Variants in PTCSC3 observed in about 807,000 individuals in gnomAD.
The protein encoded by PTCSC3 is papillary thyroid carcinoma susceptibility candidate 3 (non-protein coding).
intron 3 of PTCSC3, among the ~76,000 whole-genome samples, chr14:36,143,629 G>A (rs1391126860): frequency 3.4e-5 from 5 of 148,284 alleles, no homozygotes; most frequent in African/African-American, 4.9e-5. Flanking sequence ...TCTGATGGTA[G>A]TTTCTTTTGC....
At chr14:36,173,774 C>G (rs1014780678) in intron 1 of PTCSC3, among the ~76,000 whole-genome samples, 2 of 152,050 alleles carry the variant, frequency 1.3e-5, no homozygotes, top group African/African-American at 4.8e-5. Context: ...TGCAGGCAGG[C>G]TGGAAACGAA....
chr14:36,154,787 T>C (rs879405620), intron 2 of PTCSC3, among the ~76,000 whole-genome samples: 3 of 152,182 alleles, frequency 2.0e-5, no homozygotes, highest in Non-Finnish European at 4.4e-5. Context: ...CATGTTAGGA[T>C]TGGGTTCCCT....
chr14:36,170,748 T>G (rs898473707), intron 1 of PTCSC3, among the ~76,000 whole-genome samples: 2 of 152,118 alleles, frequency 1.3e-5, no homozygotes, highest in Non-Finnish European at 2.9e-5. Context: ...CAATGTCTAG[T>G]GTGGTCTAGG....
chr14:36,170,647 C>T (rs1882174383), intron 1 of PTCSC3, among the ~76,000 whole-genome samples: 1 of 152,120 alleles, frequency 6.6e-6, no homozygotes, highest in Non-Finnish European at 1.5e-5. Flanking sequence ...AATCAGCAAC[C>T]TGTACCATAC....
exon 4 of PTCSC3, chr14:36,136,287 C>T (rs1303101591): frequency 2.0e-5 from 3 of 152,664 alleles, no homozygotes; most frequent in Non-Finnish European, 4.4e-5. Context: ...TACTTTGCAT[C>T]CTTCAATCCA....
chr14:36,165,512 G>A (rs1042963391), intron 1 of PTCSC3, among the ~76,000 whole-genome samples: 2 of 151,646 alleles, frequency 1.3e-5, no homozygotes, highest in Admixed American at 6.6e-5. Flanking sequence ...CAGATTGAGA[G>A]TTAAAAATAA....
intron 1 of PTCSC3, among the ~76,000 whole-genome samples, chr14:36,173,249 G>A (rs1882220358): frequency 1.3e-5 from 2 of 151,996 alleles, no homozygotes; most frequent in African/African-American, 2.4e-5. Flanking sequence ...ACTATTTAAA[G>A]TATATAGAAG....
intron 3 of PTCSC3, among the ~76,000 whole-genome samples, chr14:36,147,570 T>G (rs1475441898): frequency 1.3e-5 from 2 of 151,966 alleles, no homozygotes; most frequent in Non-Finnish European, 2.9e-5. Flanking sequence ...CTTCTAAATT[T>G]TTTTCAAAAT....
intron 1 of PTCSC3, among the ~76,000 whole-genome samples, chr14:36,175,717 C>A (rs1882270595): frequency 6.6e-6 from 1 of 152,294 alleles, no homozygotes; most frequent in African/African-American, 2.4e-5. Context: ...GATCTTGGGC[C>A]TACAGCTATA....
intron 3 of PTCSC3, among the ~76,000 whole-genome samples, chr14:36,137,454 T>C (rs540998234): frequency 3.3e-5 from 5 of 152,270 alleles, no homozygotes; most frequent in African/African-American, 1.2e-4. Flanking sequence ...TGGGTATAAT[T>C]AACAGATTAT....
chr14:36,148,394 G>C (rs1881640773), intron 3 of PTCSC3, among the ~76,000 whole-genome samples: 1 of 152,212 alleles, frequency 6.6e-6, no homozygotes. Flanking sequence ...TGTCGGAAAA[G>C]CGCAGTATTC....
At chr14:36,154,823 G>A (rs1258134544) in intron 2 of PTCSC3, among the ~76,000 whole-genome samples, 1 of 152,170 alleles carries the variant, frequency 6.6e-6, no homozygotes, top group Non-Finnish European at 1.5e-5. Context: ...AGAGATGTCT[G>A]TAAATAATTT....
At chr14:36,156,917 G>A (rs1275163939) in intron 2 of PTCSC3, among the ~76,000 whole-genome samples, 2 of 152,106 alleles carry the variant, frequency 1.3e-5, no homozygotes, top group African/African-American at 4.8e-5. Flanking sequence ...ATAATCCTTT[G>A]GGTATAAACC....
At chr14:36,143,441 CT>C (rs1881475558) in intron 3 of PTCSC3, among the ~76,000 whole-genome samples, 1 of 133,038 alleles carries the variant, frequency 7.5e-6, no homozygotes, top group African/African-American at 2.8e-5. Context: ...TGTTTTTTGG[CT>C]GCATAAATGT....
intron 3 of PTCSC3, among the ~76,000 whole-genome samples, chr14:36,151,414 G>GGT (rs1364034470): frequency 6.6e-6 from 1 of 151,522 alleles, no homozygotes; most frequent in African/African-American, 2.4e-5. Context: ...TCTTTGGCTT[G>GGT]GTGTTTCTTA....
At chr14:36,138,942 G>A (rs1269953548) in intron 3 of PTCSC3, among the ~76,000 whole-genome samples, 3 of 151,730 alleles carry the variant, frequency 2.0e-5, no homozygotes, top group East Asian at 1.9e-4. Flanking sequence ...GTGAAACCCC[G>A]TCTCTACTAA....
intron 3 of PTCSC3, among the ~76,000 whole-genome samples, chr14:36,136,870 C>G (rs12896537): frequency 0.63 from 95,372 of 151,970 alleles, 31,447 homozygotes; most frequent in Non-Finnish European, 0.72. Flanking sequence ...TATTGAATGG[C>G]TAGAAGTTTT....
At chr14:36,158,756 T>C (rs938794321) in intron 2 of PTCSC3, among the ~76,000 whole-genome samples, 4 of 152,212 alleles carry the variant, frequency 2.6e-5, no homozygotes, top group Non-Finnish European at 5.9e-5. Context: ...ATCAGGATGA[T>C]GCTGGCCTCA....
intron 3 of PTCSC3, among the ~76,000 whole-genome samples, chr14:36,150,427 G>A (rs1208841876): frequency 6.6e-6 from 1 of 152,160 alleles, no homozygotes; most frequent in Non-Finnish European, 1.5e-5. Context: ...GAATCTGTTG[G>A]TGACTTGATT....
Sources: gnomAD v4.1 joint callset for allele counts (sites outside exome capture counted in the v4.1 genomes callset) on GRCh38, gnomAD v4.1.1 for gene constraint, MANE v1.5 for transcripts, NCBI Gene and HGNC (gene_info 2026-07-23, HGNC 2026-07-21) for gene names.